YWHAZ: variants seen among roughly 807,000 people sequenced by gnomAD.
YWHAZ encodes tyrosine 3-monooxygenase/tryptophan 5-monooxygenase activation protein zeta.
For missense variants in YWHAZ, 79 were observed against 284.8 expected (o/e 0.28, Z 5.20); for synonymous variants, 87 against 103.6 (o/e 0.84, Z 0.97).
chr8:100,946,794 A>G (rs901749313), intron 2 of YWHAZ, among the ~76,000 whole-genome samples: 1 of 152,120 alleles, frequency 6.6e-6, no homozygotes, highest in Admixed American at 6.5e-5. Context: ...CCAAAATAAA[A>G]ACTTTTCGAT....
At chr8:100,942,930 A>G (rs1175490390) in intron 2 of YWHAZ, among the ~76,000 whole-genome samples, 1 of 152,240 alleles carries the variant, frequency 6.6e-6, no homozygotes, top group Non-Finnish European at 1.5e-5. Context: ...AAGCACATCA[A>G]GTTTATCCAT....
intron 1 of YWHAZ, chr8:100,950,478 C>A: frequency 1.0e-6 from 1 of 985,556 alleles, no homozygotes; most frequent in Non-Finnish European, 1.2e-6. Flanking sequence ...TTCTCCGGTC[C>A]GCGTATCGCA....
rs978362403 is a variant in YWHAZ at position 100,923,952 on chromosome 8, T to C, written c.678+3A>G. The C allele has an allele frequency of 6.8e-6, 11 of 1,609,572 alleles. No individual in the cohort carries two copies. Among genetic ancestry groups the C allele is most frequent in the East Asian group, 2.2e-5 (1 of 44,850 alleles). ...ATCACTAATGATGCTGTTATGTACT[T>C]ACTGTCAAGTTGTCTCTCAGTAATT... On this transcript the variant is annotated splice_donor_region_variant and intron_variant, in intron 5 of 5. Transcript: ENST00000395958.
intron 2 of YWHAZ, among the ~76,000 whole-genome samples, chr8:100,944,678 G>A (rs1393677140): frequency 6.6e-6 from 1 of 152,128 alleles, no homozygotes; most frequent in African/African-American, 2.4e-5. Context: ...TGTAAGTTAA[G>A]AGACCCCTGC....
rs183096703 is a variant in YWHAZ, at chr8:100,930,731, C to G, written c.295-5692G>C. Among the ~76,000 whole-genome samples, 275 of 152,284 alleles carry G rather than the reference C, an allele frequency of 1.8e-3. 1 individual carries two copies. The highest frequency in any genetic ancestry group is 6.4e-3 in the African/African-American group (267 of 41,558). ...ACAGGCTGGAATGCAGTGGCCCCAT[C>G]ATAGCTTGCCCTGCTCCCATTAACT... On this transcript the variant is annotated intron_variant, in intron 2 of 5. Transcript: ENST00000395958.
intron 2 of YWHAZ, among the ~76,000 whole-genome samples, chr8:100,941,999 T>C (rs1278964372): frequency 6.6e-6 from 1 of 152,216 alleles, no homozygotes; most frequent in Non-Finnish European, 1.5e-5. Flanking sequence ...CTTTATAGAT[T>C]AATACTTGGC....
chr8:100,951,193 T>A (rs566972162), intron 1 of YWHAZ: 3 of 984,544 alleles, frequency 3.0e-6, no homozygotes, highest in Non-Finnish European at 3.6e-6. Flanking sequence ...CACCCCGCAG[T>A]GGACTCCCCT....
At chr8:100,952,737 G>T (rs1202570679), upstream of YWHAZ, 2 of 968,924 alleles carry the variant, frequency 2.1e-6, no homozygotes, top group Admixed American at 6.2e-5. Flanking sequence ...CACGGCAAGG[G>T]AGGGTTGTGT....
chr8:100,945,264 T>C (rs1057137603), intron 2 of YWHAZ, among the ~76,000 whole-genome samples: 2 of 152,220 alleles, frequency 1.3e-5, no homozygotes, highest in Non-Finnish European at 2.9e-5. Context: ...ATATGCAACA[T>C]GGTCCAAGCT....
At chr8:100,930,579 A>C (rs1747681383) in intron 2 of YWHAZ, among the ~76,000 whole-genome samples, 1 of 152,248 alleles carries the variant, frequency 6.6e-6, no homozygotes, top group African/African-American at 2.4e-5. Context: ...TCTTCCTGAA[A>C]TATAATCTCA....
Position 100,919,774 on chromosome 8 carries a change from A to G in YWHAZ, c.*919T>C, listed in dbSNP as rs193223230. On this transcript the variant is annotated 3_prime_UTR_variant, in exon 6 of 6. Transcript: ENST00000395958. ...CTTAACAATTATGCTTGGATTGTTC[A>G]TGAAAATTTCATAAGACATTAAACA... 2.5e-4 allele frequency: 38 copies of G among 152,688 alleles called. No homozygotes were observed. Among genetic ancestry groups the G allele is most frequent in the African/African-American group, 8.4e-4 (35 of 41,556 alleles). The allele number at this position is 152,688 out of a possible 1,614,324, so 9.5% of individuals were successfully genotyped here.
At chr8:100,949,003 T>C (rs1442517282) in intron 1 of YWHAZ, 103 bp from the exon 2 acceptor site, 4 of 1,314,014 alleles carry the variant, frequency 3.0e-6, no homozygotes, top group East Asian at 4.7e-5. Flanking sequence ...GAAACCTAAC[T>C]GCCTGTGAAA....
At chr8:100,952,885 T>A, upstream of YWHAZ, 2 of 1,000,314 alleles carry the variant, frequency 2.0e-6, no homozygotes, top group Non-Finnish European at 2.4e-6. Flanking sequence ...AGACCTTTTA[T>A]GGCTCGGAAA....
rs1312361722 is a variant in YWHAZ at position 100,918,507 on chromosome 8, T to G, written c.*2186A>C. The G allele has an allele frequency of 7.0e-6, 1 of 143,758 alleles. No individual in the cohort carries two copies. Among genetic ancestry groups the G allele is most frequent in the African/African-American group, 2.6e-5 (1 of 39,144 alleles). The allele number at this position is 143,758 out of a possible 1,614,324, so 8.9% of individuals were successfully genotyped here. A position where few individuals can be genotyped will look rare whatever the true frequency, so the allele number is the denominator to read the frequency against. ...CAGTAAGTGAGGTAAAAGAAAGAGC[T>G]GCGAGGGAAAAGGATTGTTGCCCTA... On this transcript the variant is annotated 3_prime_UTR_variant, in exon 6 of 6. Transcript: ENST00000395958.
At chr8:100,920,806 G>GT (rs1349501394) in intron 5 of YWHAZ, 54 bp from the exon 6 acceptor site, 1 of 555,952 alleles carries the variant, frequency 1.8e-6, no homozygotes, top group Non-Finnish European at 3.2e-6. Context: ...GGGGGGGGGG[G>GT]GGCGTTTTCA....
chr8:100,952,837 G>A, upstream of YWHAZ: 2 of 1,000,494 alleles, frequency 2.0e-6, no homozygotes, highest in Non-Finnish European at 2.4e-6. Context: ...CCCTCCCGCC[G>A]CCGCGGCTTT....
rs1586072033 is a variant in YWHAZ at position 100,918,572 on chromosome 8, A to G, written c.*2121T>C. 1 of 151,468 alleles carries G rather than the reference A, an allele frequency of 6.6e-6. No homozygotes were observed. Among genetic ancestry groups the G allele is most frequent in the East Asian group, 1.9e-4 (1 of 5,142 alleles). 9.4% of individuals were successfully genotyped at this position (151,468 alleles called of 1,614,324 possible). On this transcript the variant is annotated 3_prime_UTR_variant, in exon 6 of 6. Coordinates refer to ENST00000395958, the MANE Select transcript of YWHAZ (RefSeq NM_145690.3). ...CTTTTCTCCTGGAAATAAAGACCCCAAGGTCTCCATTGCACTTTTATTTGA... is the reference window on the plus strand; with the variant it reads ...CTTTTCTCCTGGAAATAAAGACCCCGAGGTCTCCATTGCACTTTTATTTGA...
At chr8:100,935,402 T>A (rs999622450) in intron 2 of YWHAZ, among the ~76,000 whole-genome samples, 1 of 152,118 alleles carries the variant, frequency 6.6e-6, no homozygotes, top group African/African-American at 2.4e-5. Context: ...TCATCAAGAG[T>A]GTATTACCTT....
intron 2 of YWHAZ, among the ~76,000 whole-genome samples, chr8:100,937,530 A>T (rs1814241875): frequency 1.3e-5 from 2 of 152,204 alleles, no homozygotes; most frequent in African/African-American, 4.8e-5. Flanking sequence ...CAAAACAATC[A>T]ACCTCTATTG....
Sources: allele counts gnomAD v4.1 joint callset (sites outside exome capture counted in the v4.1 genomes callset), GRCh38; gene constraint gnomAD v4.1.1; transcripts MANE v1.5; gene names NCBI Gene and HGNC (gene_info 2026-07-23, HGNC 2026-07-21).